Variants in PPP2R1A observed in about 807,000 individuals in gnomAD.
PPP2R1A encodes serine/threonine-protein phosphatase 2A 65 kDa regulatory subunit A alpha isoform.
A neutral mutation model predicts 67.1 loss-of-function variants in PPP2R1A; 15 were observed. The observed-to-expected ratio is 0.22, with a 90% CI of 0.15 to 0.34. PPP2R1A has a LOEUF of 0.34. PPP2R1A is among the 10% of genes least tolerant of loss of function. The probability of loss-of-function intolerance (pLI) is 1.00; values close to 1 mark genes in which losing one functional copy is unlikely to be tolerated. For synonymous variants in PPP2R1A, 337 were observed against 325.0 expected (o/e 1.04, Z -0.40); for missense variants, 369 against 775.0 (o/e 0.48, Z 6.22).
chr19:52,215,149 GGGCTCA>G (rs1316446119), intron 6 of PPP2R1A, among the ~76,000 whole-genome samples: 1 of 152,138 alleles, frequency 6.6e-6, no homozygotes, highest in Non-Finnish European at 1.5e-5. Flanking sequence ...TTGACCTCCT[GGGCTCA>G]GGTGATCCTC....
intron 1 of PPP2R1A, chr19:52,201,501 GA>G (rs2089548910): frequency 6.5e-6 from 1 of 154,924 alleles, no homozygotes; most frequent in South Asian, 2.0e-4. Context: ...TCCAGCTAGT[GA>G]CATGGGTGCA....
At chr19:52,221,314 A>C (rs1338730619) in intron 12 of PPP2R1A, among the ~76,000 whole-genome samples, 181 bp downstream of exon 12, 1 of 152,156 alleles carries the variant, frequency 6.6e-6, no homozygotes, top group African/African-American at 2.4e-5. Flanking sequence ...TCCCAGGGTC[A>C]GGGTCATAGG....
At chr19:52,201,836 A>G in intron 1 of PPP2R1A, 108 bp from the exon 2 acceptor site, 2 of 976,094 alleles carry the variant, frequency 2.0e-6, no homozygotes, top group Non-Finnish European at 3.2e-6. Flanking sequence ...GCATCTTCAC[A>G]TGTAACCAAG....
At chr19:52,205,654 T>C (rs1304617521) in intron 2 of PPP2R1A, among the ~76,000 whole-genome samples, 1 of 152,184 alleles carries the variant, frequency 6.6e-6, no homozygotes, top group Non-Finnish European at 1.5e-5. Flanking sequence ...ACTGTAACCG[T>C]TGCTACGAGG....
chr19:52,201,361 GTTGT>G (rs2089547186), intron 1 of PPP2R1A: 1 of 152,290 alleles, frequency 6.6e-6, no homozygotes, highest in Admixed American at 6.5e-5. Context: ...AGGCTGGAGT[GTTGT>G]TTGTTCTTTT....
Position 52,211,517 on chromosome 19 carries a change from T to C in PPP2R1A, c.503+25T>C, listed in dbSNP as rs1319461752. ...AGTGAGTCTCTGCCTCCTTGGAAGC[T>C]CCAAGCTCCCATCTCAGCTCCAACC... On this transcript the variant is annotated intron_variant, in intron 4 of 14. Coordinates refer to ENST00000322088, the MANE Select transcript of PPP2R1A (RefSeq NM_014225.6). The surrounding 1 kb of genome is among the most constrained non-coding windows in gnomAD (Gnocchi z 5.3). 1 of 1,585,942 alleles carries C rather than the reference T, an allele frequency of 6.3e-7. No homozygotes were observed. The highest frequency in any genetic ancestry group is 1.3e-5 in the African/African-American group (1 of 74,388).
chr19:52,210,640 C>T (rs1198100157), intron 3 of PPP2R1A, among the ~76,000 whole-genome samples: 1 of 151,908 alleles, frequency 6.6e-6, no homozygotes, highest in Non-Finnish European at 1.5e-5. Context: ...TACAGGTGCG[C>T]ACCACCACAC....
intron 2 of PPP2R1A, among the ~76,000 whole-genome samples, chr19:52,205,609 T>G (rs534276468): frequency 1.3e-5 from 2 of 152,318 alleles, no homozygotes; most frequent in African/African-American, 4.8e-5. Flanking sequence ...TTGACCATGC[T>G]CTGCGCTTTA....
chr19:52,210,330 G>C (rs2089652197), intron 3 of PPP2R1A, among the ~76,000 whole-genome samples: 1 of 152,026 alleles, frequency 6.6e-6, no homozygotes, highest in African/African-American at 2.4e-5. Context: ...CCAGCGAGCA[G>C]TCCCGAGCCC....
chr19:52,206,157 G>T, intron 3 of PPP2R1A, 94 bp downstream of exon 3: 1 of 1,125,246 alleles, frequency 8.9e-7, no homozygotes, highest in African/African-American at 1.5e-5. Context: ...GTCAGAGAGC[G>T]TGGGGATCAC....
In PPP2R1A at chr19:52,227,358, G is replaced by A. The variant is rs1211762360; in HGVS notation, c.*1377G>A. The A allele has an allele frequency of 2.6e-5, 4 of 152,182 alleles. No individual in the cohort carries two copies. Among genetic ancestry groups the A allele is most frequent in the African/African-American group, 9.7e-5 (4 of 41,418 alleles). The allele number at this position is 152,182 out of a possible 1,614,324, so 9.4% of individuals were successfully genotyped here. On this transcript the variant is annotated 3_prime_UTR_variant, in exon 15 of 15. Transcript: ENST00000322088. Reference sequence around the variant, plus strand: ...AGGTCAAGTAAGGCAGGACAAGAGAGAAGGAGCCTGCCTCCCCGAGGCTGT... The same window carrying A: ...AGGTCAAGTAAGGCAGGACAAGAGAAAAGGAGCCTGCCTCCCCGAGGCTGT...
At chr19:52,215,702 A>G (rs1229548520) in intron 6 of PPP2R1A, 77 bp from the exon 7 acceptor site, 10 of 1,199,872 alleles carry the variant, frequency 8.3e-6, no homozygotes, top group Non-Finnish European at 1.2e-5. Flanking sequence ...TGGTGCCTTC[A>G]CTTTGATTTT....
At chr19:52,206,159 G>T in intron 3 of PPP2R1A, 96 bp downstream of exon 3, 1 of 1,099,538 alleles carries the variant, frequency 9.1e-7, no homozygotes, top group South Asian at 1.4e-5. Context: ...CAGAGAGCGT[G>T]GGGATCACGT....
chr19:52,212,707 A>C lies in PPP2R1A; in HGVS notation c.525A>C (p.Ser175=). ...ELRQYFRNLC[S]DDTPMVRRAA... is the part of the protein sequence containing the mutation. ...CCAGGTACTTCCGGAACCTGTGCTC[A>C]GATGACACCCCCATGGTGCGGCGGG... The change falls in exon 5 of 15, where the codon TCA becomes TCC. Residue 175 remains serine (S), a synonymous_variant. Coordinates refer to ENST00000322088, the MANE Select transcript of PPP2R1A (RefSeq NM_014225.6). The surrounding 1 kb of genome is among the most constrained non-coding windows in gnomAD (Gnocchi z 4.1). The C allele has an allele frequency of 6.2e-7, 1 of 1,613,946 alleles. No homozygotes were observed. The highest frequency in any genetic ancestry group is 1.3e-5 in the African/African-American group (1 of 75,050).
chr19:52,200,191 G>A (rs1255605001), intron 1 of PPP2R1A: 1 of 152,226 alleles, frequency 6.6e-6, no homozygotes, highest in African/African-American at 2.4e-5. Flanking sequence ...AAGGTCCCCC[G>A]TGGGACCATT....
chr19:52,204,501 AGAAGG>A (rs2089582940), intron 2 of PPP2R1A, among the ~76,000 whole-genome samples: 1 of 152,206 alleles, frequency 6.6e-6, no homozygotes, highest in Non-Finnish European at 1.5e-5. Context: ...AACCCTTCCA[AGAAGG>A]ATAGTTCTCT....
At chr19:52,196,033 G>A (rs186464805) in intron 1 of PPP2R1A, among the ~76,000 whole-genome samples, 250 of 152,200 alleles carry the variant, frequency 1.6e-3, no homozygotes, top group African/African-American at 5.4e-3. Flanking sequence ...CATCCTGAAG[G>A]TATCAGTCAA....
chr19:52,204,090 C>T (rs773132894), intron 2 of PPP2R1A, among the ~76,000 whole-genome samples: 1 of 152,086 alleles, frequency 6.6e-6, no homozygotes, highest in Non-Finnish European at 1.5e-5. Context: ...GGAACGGAGG[C>T]ACCAGCCATG....
intron 1 of PPP2R1A, among the ~76,000 whole-genome samples, chr19:52,195,472 C>T (rs2122283749): frequency 6.6e-6 from 1 of 152,268 alleles, no homozygotes; most frequent in South Asian, 2.1e-4. Context: ...GGATGTCCTC[C>T]AATTCAGTTC....
Sources: gnomAD v4.1 joint callset for allele counts (sites outside exome capture counted in the v4.1 genomes callset) on GRCh38, gnomAD v4.1.1 for gene constraint, Gnocchi (gnomAD v3.1) non-coding constraint, MANE v1.5 for transcripts, NCBI Gene and HGNC (gene_info 2026-07-23, HGNC 2026-07-21) for gene names.